Variants in PDZRN4 observed in about 807,000 individuals in gnomAD.
The protein encoded by PDZRN4 is PDZ domain-containing RING finger protein 4.
PDZRN4 carries 70 observed loss-of-function variants against 99.0 expected under a neutral mutation model. The ratio of observed to expected loss-of-function variants is 0.71; its 90% confidence interval spans 0.58 to 0.86. The LOEUF (loss-of-function observed/expected upper bound fraction) is 0.86, where lower values mean the gene tolerates loss of function less well. PDZRN4 is among the 40% of genes least tolerant of loss of function. The pLI is 0.00. For synonymous variants in PDZRN4, 551 were observed against 501.6 expected (o/e 1.10, Z -1.32); for missense variants, 1,474 against 1,331.2 (o/e 1.11, Z -1.67).
At chr12:41,329,820 A>T (rs1951731681) in intron 3 of PDZRN4, among the ~76,000 whole-genome samples, 2 of 152,108 alleles carry the variant, frequency 1.3e-5, no homozygotes, top group Non-Finnish European at 2.9e-5. Context: ...ATGCAAAGAA[A>T]GTATTTCTGT....
chr12:41,519,601 T>C (rs1347456765), intron 5 of PDZRN4, among the ~76,000 whole-genome samples: 2 of 142,258 alleles, frequency 1.4e-5, no homozygotes, highest in East Asian at 2.0e-4. Context: ...TCTTCAGTGA[T>C]TTTTTTTTTA....
intron 3 of PDZRN4, among the ~76,000 whole-genome samples, chr12:41,196,217 A>T (rs79921224): frequency 0.014 from 2,084 of 152,226 alleles, 49 homozygotes; most frequent in African/African-American, 0.047. Flanking sequence ...ACCCTGTAAG[A>T]TAAAAAGTAA....
chr12:41,487,858 A>G (rs1937805226), intron 3 of PDZRN4, among the ~76,000 whole-genome samples: 1 of 152,224 alleles, frequency 6.6e-6, no homozygotes, highest in South Asian at 2.1e-4. Context: ...CCCAAATTGG[A>G]GTTAAACTTA....
chr12:41,194,613 C>G (rs1950760013), intron 3 of PDZRN4, among the ~76,000 whole-genome samples: 1 of 152,212 alleles, frequency 6.6e-6, no homozygotes, highest in African/African-American at 2.4e-5. Context: ...GGCCACTGCT[C>G]TCTAGCCTAG....
rs561480437 is a variant in PDZRN4 at position 41,242,048 on chromosome 12, G to T, written c.843+47860G>T. On this transcript the variant is annotated intron_variant, in intron 3 of 9. Coordinates refer to ENST00000402685, the MANE Select transcript of PDZRN4 (RefSeq NM_001164595.2). ...TGTGAGAGATCTGCCTGCTCATGTT[G>T]TTGGCAGGAGGCAGCAAGCAAGTGG... 2.0e-5 allele frequency among the ~76,000 whole-genome samples: 3 copies of T among 152,278 alleles called. No individual in the cohort carries two copies. The East Asian group carries it at 5.8e-4, about 29-fold the overall frequency.
intron 3 of PDZRN4, among the ~76,000 whole-genome samples, chr12:41,274,615 A>G (rs554309785): frequency 1.3e-5 from 2 of 152,164 alleles, no homozygotes; most frequent in Non-Finnish European, 2.9e-5. Context: ...TACCTCTTGT[A>G]TCCCTAGACA....
In PDZRN4 at chr12:41,573,766, T is replaced by A. The variant is rs771383365; in HGVS notation, c.2987T>A (p.Met996Lys). Residue 996 changes from methionine to lysine, a missense_variant, in exon 10 of 10, where the codon ATG becomes AAG. By Grantham distance (95) the Met-to-Lys change is moderately conservative (BLOSUM62 -1). Coordinates refer to ENST00000402685, the MANE Select transcript of PDZRN4 (RefSeq NM_001164595.2). ...NIIELSHKKM[M>K]KKRNKKILDN... ...ATTGAACTGAGTCACAAAAAGATGA[T>A]GAAAAAGAGAAACAAGAAAATTTTG... 9.9e-6 allele frequency: 16 copies of A among 1,613,472 alleles called. No homozygotes were observed. Among genetic ancestry groups the A allele is most frequent in the Non-Finnish European group, 1.4e-5 (16 of 1,179,868 alleles).
intron 3 of PDZRN4, among the ~76,000 whole-genome samples, chr12:41,338,427 C>T (rs1213579478): frequency 2.0e-5 from 3 of 151,690 alleles, no homozygotes; most frequent in African/African-American, 4.8e-5. Context: ...CCTTATTTTT[C>T]CATTTTGAAT....
At chr12:41,493,963 A>G (rs1937943222) in intron 3 of PDZRN4, among the ~76,000 whole-genome samples, 2 of 152,028 alleles carry the variant, frequency 1.3e-5, no homozygotes, top group Admixed American at 1.3e-4. Flanking sequence ...TTATTCATGC[A>G]TATGCATACA....
chr12:41,188,989 C>G lies in PDZRN4; in HGVS notation c.534C>G (p.Leu178=), dbSNP rs1224871483. ...RRREKALLAQ[L]WALQGEVQLT... ...GCGAGAAGGCGCTGCTGGCGCAGCT[C>G]TGGGCGCTGCAGGGCGAGGTGCAGC... The change falls in exon 1 of 10, where the codon CTC becomes CTG. Residue 178 remains leucine, a synonymous_variant. Transcript: ENST00000402685. The G allele has an allele frequency of 1.3e-6, 2 of 1,532,512 alleles. No individual in the cohort carries two copies. The highest frequency in any genetic ancestry group is 2.4e-5 in the South Asian group (2 of 84,182). The allele number at this position is 1,532,512 out of a possible 1,614,324, so 94.9% of individuals were successfully genotyped here.
chr12:41,286,336 C>CTTTTTT (rs71081721), intron 3 of PDZRN4, among the ~76,000 whole-genome samples: 460 of 105,982 alleles, frequency 4.3e-3, no homozygotes, highest in Middle Eastern at 5.4e-3. Flanking sequence ...CCTTCTTCTT[C>CTTTTTT]TTTTTTTTTT....
chr12:41,553,903 CT>C (rs1275425878), intron 6 of PDZRN4, among the ~76,000 whole-genome samples: 1 of 151,694 alleles, frequency 6.6e-6, no homozygotes. Flanking sequence ...CTTCAGCTTT[CT>C]CAACTACAAG....
chr12:41,503,615 G>A (rs1316797449), intron 3 of PDZRN4, among the ~76,000 whole-genome samples: 1 of 152,062 alleles, frequency 6.6e-6, no homozygotes, highest in Non-Finnish European at 1.5e-5. Context: ...TTATCAGTAG[G>A]AATCTCACTT....
chr12:41,222,752 T>C (rs74867741), intron 3 of PDZRN4, among the ~76,000 whole-genome samples: 11,258 of 152,074 alleles, frequency 0.074, 717 homozygotes, highest in East Asian at 0.16. Context: ...CTCGAACTCA[T>C]GACCTCAAGT....
At chr12:41,477,778 GA>G in intron 3 of PDZRN4, 1 of 774,956 alleles carries the variant, frequency 1.3e-6, no homozygotes, top group Non-Finnish European at 2.2e-6. Context: ...ATGACATTAT[GA>G]AAAGCCCACA....
At chr12:41,557,202 C>T (rs1939184303) in intron 7 of PDZRN4, among the ~76,000 whole-genome samples, 1 of 151,192 alleles carries the variant, frequency 6.6e-6, no homozygotes, top group South Asian at 2.1e-4. Flanking sequence ...ACACAAACTC[C>T]CCAGCTCTTG....
At chr12:41,194,258 A>G in intron 3 of PDZRN4, 70 bp downstream of exon 3, 1 of 761,292 alleles carries the variant, frequency 1.3e-6, no homozygotes, top group Non-Finnish European at 2.3e-6. Context: ...TTTCAAATTT[A>G]CCACTTTACC....
intron 3 of PDZRN4, among the ~76,000 whole-genome samples, chr12:41,215,885 G>T (rs905979031): frequency 2.0e-5 from 3 of 150,470 alleles, no homozygotes; most frequent in Non-Finnish European, 4.4e-5. Flanking sequence ...AATTTAATTT[G>T]CTCTCCTAAA....
At chr12:41,196,819 G>A (rs1950776629) in intron 3 of PDZRN4, among the ~76,000 whole-genome samples, 1 of 152,032 alleles carries the variant, frequency 6.6e-6, no homozygotes, top group Non-Finnish European at 1.5e-5. Flanking sequence ...GATTTTTAAA[G>A]TAAAGATAAT....
Sources: gnomAD v4.1 joint callset for allele counts (sites outside exome capture counted in the v4.1 genomes callset) on GRCh38, gnomAD v4.1.1 for gene constraint, MANE v1.5 for transcripts, NCBI Gene and HGNC (gene_info 2026-07-23, HGNC 2026-07-21) for gene names.